WDR93: variants seen among roughly 807,000 people sequenced by gnomAD.
WDR93 encodes WD repeat domain 93.
WDR93 carries 73 observed loss-of-function variants against 82.9 expected under a neutral mutation model. That is an observed-to-expected ratio of 0.88 (90% confidence interval 0.73 to 1.07). The LOEUF is 1.07. Among genes scored for constraint, WDR93 ranks in the 50% least tolerant of loss-of-function variants. The pLI, the probability that WDR93 is intolerant of heterozygous loss-of-function variation, is 0.00. For synonymous variants in WDR93, 283 were observed against 300.1 expected (o/e 0.94, Z 0.59); for missense variants, 738 against 826.0 (o/e 0.89, Z 1.31).
chr15:89,691,968 T>C (rs1410774525), intron 1 of WDR93, among the ~76,000 whole-genome samples: 1 of 152,156 alleles, frequency 6.6e-6, no homozygotes, highest in Non-Finnish European at 1.5e-5. Context: ...ATCCCTAGAC[T>C]CCTTAGAATA....
intron 11 of WDR93, among the ~76,000 whole-genome samples, chr15:89,731,109 T>C (rs1966855023): frequency 6.6e-6 from 1 of 152,162 alleles, no homozygotes; most frequent in African/African-American, 2.4e-5. Context: ...GCCTCATCTA[T>C]AAAATGGGGA....
chr15:89,722,364 G>GA (rs1286171836), intron 8 of WDR93, among the ~76,000 whole-genome samples: 3 of 152,192 alleles, frequency 2.0e-5, no homozygotes, highest in Non-Finnish European at 4.4e-5. Context: ...GGAAGGTCAG[G>GA]AGAAAAAGAT....
At chr15:89,708,735 G>A (rs1226198678) in intron 4 of WDR93, among the ~76,000 whole-genome samples, 3 of 152,184 alleles carry the variant, frequency 2.0e-5, no homozygotes, top group African/African-American at 4.8e-5. Context: ...TATGGAGGTC[G>A]CAAATGTTAC....
chr15:89,724,547 G>C (rs946531787), intron 8 of WDR93, among the ~76,000 whole-genome samples: 2 of 152,022 alleles, frequency 1.3e-5, no homozygotes, highest in East Asian at 1.9e-4. Flanking sequence ...GAAGTTATTT[G>C]CAAAACACAT....
intron 5 of WDR93, among the ~76,000 whole-genome samples, chr15:89,712,394 A>ATATTT (rs1177405888): frequency 3.7e-4 from 23 of 61,706 alleles, no homozygotes; most frequent in African/African-American, 2.0e-3. Context: ...TTTTCCACTA[A>ATATTT]TCTTTTTTTT....
intron 16 of WDR93, among the ~76,000 whole-genome samples, chr15:89,740,663 G>A (rs940131251): frequency 1.3e-5 from 2 of 151,410 alleles, no homozygotes; most frequent in East Asian, 2.0e-4. Context: ...CACCACGCCC[G>A]GCTAATTTTT....
intron 7 of WDR93, among the ~76,000 whole-genome samples, chr15:89,719,946 C>T (rs1213843617): frequency 2.6e-5 from 4 of 151,836 alleles, no homozygotes; most frequent in Non-Finnish European, 5.9e-5. Flanking sequence ...ATTACAGGTG[C>T]CTGCCACCAC....
intron 10 of WDR93, 59 bp downstream of exon 10, chr15:89,729,152 C>G (rs1966840914): frequency 1.4e-6 from 2 of 1,475,264 alleles, no homozygotes; most frequent in Admixed American, 1.7e-5. Flanking sequence ...GGAAACCCCT[C>G]AGCAAGCCCC....
intron 5 of WDR93, among the ~76,000 whole-genome samples, chr15:89,712,363 T>C (rs1343902076): frequency 6.8e-6 from 1 of 148,030 alleles, no homozygotes; most frequent in African/African-American, 2.5e-5. Context: ...CTACAGATTT[T>C]TTTTTTCGGA....
At chr15:89,736,790 G>A (rs892623773) in intron 14 of WDR93, among the ~76,000 whole-genome samples, 2 of 151,082 alleles carry the variant, frequency 1.3e-5, no homozygotes, top group African/African-American at 4.9e-5. Flanking sequence ...GGGTCAAAGG[G>A]GGCTTTTTTT....
intron 13 of WDR93, among the ~76,000 whole-genome samples, chr15:89,733,718 C>T (rs1188639190): frequency 6.6e-6 from 1 of 152,108 alleles, no homozygotes; most frequent in African/African-American, 2.4e-5. Context: ...AGAGAGTCCC[C>T]ACCAGCAAGA....
chr15:89,724,251 A>G (rs1419939673), intron 8 of WDR93, among the ~76,000 whole-genome samples: 3 of 152,154 alleles, frequency 2.0e-5, no homozygotes, highest in Non-Finnish European at 2.9e-5. Context: ...TTAAAGCGGG[A>G]GAATTGCTTG....
chr15:89,696,912 A>G (rs1294257892), intron 1 of WDR93, among the ~76,000 whole-genome samples: 1 of 152,158 alleles, frequency 6.6e-6, no homozygotes, highest in Non-Finnish European at 1.5e-5. Context: ...ACAGCAATGT[A>G]TGGGAGTCCA....
chr15:89,690,572 C>T (rs1016081037), upstream of WDR93: 15 of 1,550,186 alleles, frequency 9.7e-6, no homozygotes, highest in Non-Finnish European at 1.1e-5. Context: ...TGGCACCTGA[C>T]TCACCTGAAG....
At chr15:89,731,295 A>G (rs183819928) in intron 11 of WDR93, 148 bp from the exon 12 acceptor site, 567 of 1,135,142 alleles carry the variant, frequency 5.0e-4, no homozygotes, top group Admixed American at 1.7e-3. Flanking sequence ...CACTTCATAA[A>G]GAGAAGGATG....
At chr15:89,716,434 G>C (rs965212936) in intron 6 of WDR93, among the ~76,000 whole-genome samples, 69 of 152,118 alleles carry the variant, frequency 4.5e-4, no homozygotes, top group African/African-American at 1.6e-3. Flanking sequence ...TATCCAAATA[G>C]GAAAAGCACC....
chr15:89,696,460 T>C (rs1281998954), intron 1 of WDR93, among the ~76,000 whole-genome samples: 1 of 149,304 alleles, frequency 6.7e-6, no homozygotes, highest in African/African-American at 2.5e-5. Context: ...TGTAGAGGTT[T>C]TTGTGTGAAC....
At chr15:89,705,694 T>C (rs1310229163) in intron 4 of WDR93, 76 bp downstream of exon 4, 26 of 967,840 alleles carry the variant, frequency 2.7e-5, no homozygotes, top group Middle Eastern at 5.3e-4. Context: ...ATGGAAGCAA[T>C]GATAGCTGGC....
chr15:89,703,036 C>T lies in WDR93; in HGVS notation c.390C>T (p.Tyr130=). ...AAGGATTCTCAATTTATAATCTGTA[C>T]AGTGCTAAACAAATATATGCGTGGG... ...GAKGFSIYNL[Y]SAKQIYAWEK... The change falls in exon 3 of 17, where the codon TAC becomes TAT. Residue 130 remains tyrosine (Y), a synonymous_variant. Transcript: ENST00000268130. The T allele has an allele frequency of 1.9e-6, 3 of 1,614,174 alleles. No homozygotes were observed. Among genetic ancestry groups the T allele is most frequent in the Middle Eastern group, 3.3e-4 (2 of 6,062 alleles).
Sources: gnomAD v4.1 joint callset for allele counts (sites outside exome capture counted in the v4.1 genomes callset) on GRCh38, gnomAD v4.1.1 for gene constraint, MANE v1.5 for transcripts, NCBI Gene and HGNC (gene_info 2026-07-23, HGNC 2026-07-21) for gene names.